KAT6A: variants seen among roughly 807,000 people sequenced by gnomAD.
The protein encoded by KAT6A is histone acetyltransferase KAT6A.
KAT6A carries 9 observed loss-of-function variants against 198.4 expected under a neutral mutation model. That is an observed-to-expected ratio of 0.05 (90% CI 0.03 to 0.08). KAT6A has a LOEUF of 0.08. KAT6A is among the 10% of genes least tolerant of loss of function. The pLI is 1.00. For synonymous variants in KAT6A, 890 were observed against 883.0 expected (o/e 1.01, Z -0.14); for missense variants, 2,077 against 2,509.9 (o/e 0.83, Z 3.69).
At chr8:41,944,721 TAC>T (rs1822293197) in intron 12 of KAT6A, among the ~76,000 whole-genome samples, 1 of 152,202 alleles carries the variant, frequency 6.6e-6, no homozygotes, top group African/African-American at 2.4e-5. Context: ...TTGTATACCA[TAC>T]ACACACACCC....
intron 2 of KAT6A, among the ~76,000 whole-genome samples, chr8:42,039,681 C>T (rs1827547475): frequency 6.6e-6 from 1 of 152,104 alleles, no homozygotes; most frequent in African/African-American, 2.4e-5. Context: ...TCCTTATATT[C>T]ATTTTCCATT....
chr8:42,041,214 C>T (rs990277529), intron 2 of KAT6A, among the ~76,000 whole-genome samples: 1 of 138,374 alleles, frequency 7.2e-6, no homozygotes, highest in Non-Finnish European at 1.5e-5. Context: ...AAAAAAAAAA[C>T]TGTGCAGCTG....
chr8:42,049,080 A>G lies in KAT6A; in HGVS notation c.-103T>C. On this transcript the variant is annotated 5_prime_UTR_variant, in exon 2 of 17. Transcript: ENST00000265713. ...GATTCTCGGAGGCTGGGAACCAGTT[A>G]ACCATAGCATATGAGTTTTCTGGCC... 7.9e-7 allele frequency: 1 copy of G among 1,262,978 alleles called. No individual in the cohort carries two copies. Among genetic ancestry groups the G allele is most frequent in the African/African-American group, 1.5e-5 (1 of 66,950 alleles). 78.2% of individuals were successfully genotyped at this position (1,262,978 alleles called of 1,614,324 possible).
rs1313712920 is a variant in KAT6A at position 42,048,765 on chromosome 8, A to G, written c.213T>C (p.Tyr71=). The G allele has an allele frequency of 6.2e-7, 1 of 1,614,102 alleles. No homozygotes were observed. Among genetic ancestry groups the G allele is most frequent in the African/African-American group, 1.3e-5 (1 of 74,940 alleles). ...LKVSNKGLNS[Y]KDPDNPGRIA... is the part of the protein sequence containing the mutation. Reference sequence around the variant, plus strand: ...TTCGCCCAGGATTATCAGGATCTTTATAGGAATTGAGTCCTTTATTTGAGA... The same window carrying G: ...TTCGCCCAGGATTATCAGGATCTTTGTAGGAATTGAGTCCTTTATTTGAGA... The change falls in exon 2 of 17, where the codon TAT becomes TAC. Residue 71 remains tyrosine (Y), a synonymous_variant. Transcript: ENST00000265713.
intron 8 of KAT6A, among the ~76,000 whole-genome samples, chr8:41,959,221 G>C (rs1012130077): frequency 2.1e-5 from 3 of 146,258 alleles, no homozygotes; most frequent in African/African-American, 5.0e-5. Context: ...AAGATATACA[G>C]ATGGCCAATA....
At chr8:41,956,089 G>A (rs940446102) in intron 8 of KAT6A, among the ~76,000 whole-genome samples, 9 of 152,006 alleles carry the variant, frequency 5.9e-5, no homozygotes, top group African/African-American at 2.2e-4. Flanking sequence ...CCCTGCAATA[G>A]TCTGAACTAC....
Position 42,049,171 on chromosome 8 carries a change from T to C in KAT6A, c.-194A>G, listed in dbSNP as rs1587871831. 5 of 560,602 alleles carry C rather than the reference T, an allele frequency of 8.9e-6. No homozygotes were observed. In the East Asian group the frequency reaches 1.4e-4, roughly 16 times the overall value. The allele number at this position is 560,602 out of a possible 1,614,324, so 34.7% of individuals were successfully genotyped here. A position where few individuals can be genotyped will look rare whatever the true frequency, so the allele number is the denominator to read the frequency against. On this transcript the variant is annotated 5_prime_UTR_variant, in exon 2 of 17. Coordinates refer to ENST00000265713, the MANE Select transcript of KAT6A (RefSeq NM_006766.5). Reference sequence around the variant, plus strand: ...TTGTACTATAGAAACCAAAACAACCTGTTGATTGAAATGTCTTCCAACTTC... The same window carrying C: ...TTGTACTATAGAAACCAAAACAACCCGTTGATTGAAATGTCTTCCAACTTC...
In KAT6A at chr8:41,933,795, A is replaced by G. The variant is rs1326498614; in HGVS notation, c.4425T>C (p.His1475=). Residue 1475 remains histidine, a synonymous_variant, in exon 17 of 17, where the codon CAT becomes CAC. Transcript: ENST00000265713. The surrounding 1 kb of genome is among the most constrained non-coding windows in gnomAD (Gnocchi z 6.2). ...AGATAGGGCTATTATGTTCTGACGC[A>G]TGACAGTCTTCAACCATGGACATCT... is the stretch of plus-strand genomic sequence containing the variant. The part of the protein sequence containing the change: ...DPQMSMVEDC[H]ASEHNSPISS... The G allele has an allele frequency of 5.0e-6, 8 of 1,614,124 alleles. No homozygotes were observed. Among genetic ancestry groups the G allele is most frequent in the Non-Finnish European group, 6.8e-6 (8 of 1,180,032 alleles).
intron 15 of KAT6A, among the ~76,000 whole-genome samples, chr8:41,940,519 G>A (rs1294345632): frequency 1.3e-5 from 2 of 152,006 alleles, no homozygotes; most frequent in Admixed American, 1.3e-4. Flanking sequence ...AGATATTTTA[G>A]GGCTTTAAGC....
intron 5 of KAT6A, among the ~76,000 whole-genome samples, chr8:41,979,182 C>T (rs913783614): frequency 2.6e-5 from 4 of 152,098 alleles, no homozygotes; most frequent in Non-Finnish European, 4.4e-5. Context: ...GCAGGAGAAT[C>T]GTTTGAACCC....
chr8:42,012,287 G>C (rs576208576), intron 2 of KAT6A, among the ~76,000 whole-genome samples: 1 of 152,298 alleles, frequency 6.6e-6, no homozygotes, highest in African/African-American at 2.4e-5. Context: ...TAGAGTAGTA[G>C]ACTGAAATCC....
At position 41,977,091 on chromosome 8, in the gene KAT6A, C is replaced by T. The variant is rs1131691878; in HGVS notation, c.1280G>A (p.Arg427Gln). Residue 427 changes from arginine to glutamine, a missense_variant, in exon 7 of 17, where the codon CGG becomes CAG. Transcript: ENST00000265713. ...FTPSPDGRKA[R>Q]GEVVDYSEQY... The stretch of plus-strand genomic sequence containing the variant: ...CTCAGAGTAGTCCACCACTTCCCCC[C>T]GAGCTTTCCGCCCATCAGGGGAAGG... 6.2e-7 allele frequency: 1 copy of T among 1,614,182 alleles called. No individual in the cohort carries two copies. The highest frequency in any genetic ancestry group is 8.5e-7 in the Non-Finnish European group (1 of 1,180,010).
At chr8:41,991,141 C>T (rs1824925644) in intron 2 of KAT6A, among the ~76,000 whole-genome samples, 2 of 152,150 alleles carry the variant, frequency 1.3e-5, no homozygotes, top group Non-Finnish European at 2.9e-5. Flanking sequence ...AGCACTTCCA[C>T]TCCTAGCTAT....
At chr8:41,996,471 T>C (rs1198592819) in intron 2 of KAT6A, among the ~76,000 whole-genome samples, 1 of 152,208 alleles carries the variant, frequency 6.6e-6, no homozygotes, top group African/African-American at 2.4e-5. Context: ...CATCCTACCA[T>C]AGATTTAAAT....
At position 41,932,457 on chromosome 8, in the gene KAT6A, G is replaced by A. The variant is rs1821598536; in HGVS notation, c.5763C>T (p.Ala1921=). 6.2e-7 allele frequency: 1 copy of A among 1,614,222 alleles called. No homozygotes were observed. Among genetic ancestry groups the A allele is most frequent in the East Asian group, 2.2e-5 (1 of 44,892 alleles). The change falls in exon 17 of 17, where the codon GCC becomes GCT. Residue 1921 remains alanine (A), a synonymous_variant. Transcript: ENST00000265713. ...VNSMNMNTLN[A]MNSYRMTQPM... ...GCTGTGTCATTCGATAGCTGTTCAT[G>A]GCATTCAAGGTGTTCATATTCATGG... is the stretch of plus-strand genomic sequence containing the variant.
At position 41,937,542 on chromosome 8, in the gene KAT6A, TCTC is replaced by T. The variant is rs752683071; in HGVS notation, c.3063_3065del (p.Arg1022del). On this transcript the variant is annotated inframe_deletion, in exon 16 of 17. Transcript: ENST00000265713. ...TATTGTGGTGTTTGCGCTTTCGGAC[TCTC>T]CTCCTTCGGTGGAGAAATGGTTTCT... is the stretch of plus-strand genomic sequence containing the variant. The T allele has an allele frequency of 4.3e-6, 7 of 1,611,758 alleles. No homozygotes were observed. Among genetic ancestry groups the T allele is most frequent in the Non-Finnish European group, 5.9e-6 (7 of 1,178,674 alleles).
chr8:41,933,161 G>T lies in KAT6A; in HGVS notation c.5059C>A (p.Pro1687Thr). ...GGGGGTGGGGGTGGAGGCTGCTGGG[G>T]CTGAGGCTGCGGCTGCTGTTGCGGC... ...QQPQQQPQPQ[P>T]QQPPPPPPPQ... The change falls in exon 17 of 17, where the codon CCC (proline) becomes ACC (threonine). Residue 1687 changes from proline (P) to threonine (T), a missense_variant. Pro to Thr is a conservative substitution (Grantham distance 38). Coordinates refer to ENST00000265713, the MANE Select transcript of KAT6A (RefSeq NM_006766.5). This position sits in a 1 kb window ranked among gnomAD's most constrained non-coding sequence, Gnocchi z 6.2. 6.2e-7 allele frequency: 1 copy of T among 1,600,504 alleles called. No individual in the cohort carries two copies. The highest frequency in any genetic ancestry group is 8.5e-7 in the Non-Finnish European group (1 of 1,175,606).
chr8:41,971,240 AAAAG>A (rs1487977179), intron 8 of KAT6A, among the ~76,000 whole-genome samples: 2 of 152,130 alleles, frequency 1.3e-5, no homozygotes, highest in African/African-American at 2.4e-5. Context: ...AAAAAAAAAA[AAAAG>A]AAAGGCCTCG....
intron 2 of KAT6A, among the ~76,000 whole-genome samples, chr8:42,039,720 T>A (rs1443709884): frequency 6.6e-6 from 1 of 152,120 alleles, no homozygotes; most frequent in African/African-American, 2.4e-5. Context: ...AATGAAAACT[T>A]GTATTATTAT....
Sources: allele counts gnomAD v4.1 joint callset (sites outside exome capture counted in the v4.1 genomes callset), GRCh38; gene constraint gnomAD v4.1.1; non-coding constraint Gnocchi (gnomAD v3.1); transcripts MANE v1.5; gene names NCBI Gene and HGNC (gene_info 2026-07-23, HGNC 2026-07-21).